NUMA1: variants seen among roughly 807,000 people sequenced by gnomAD.
NUMA1 encodes the protein nuclear mitotic apparatus protein 1.
A neutral mutation model predicts 237.1 loss-of-function variants in NUMA1; 62 were observed. The observed-to-expected ratio is 0.26, with a 90% CI of 0.21 to 0.32. The LOEUF (loss-of-function observed/expected upper bound fraction) is 0.32. Ranked by LOEUF, NUMA1 falls within the 10% of genes least tolerant of loss-of-function variation. The probability of loss-of-function intolerance (pLI) is 1.00; values close to 1 mark genes in which losing one functional copy is unlikely to be tolerated. For missense variants in NUMA1, 2,533 were observed against 2,666.5 expected, an observed-to-expected ratio of 0.95 and a Z score of 1.10; for synonymous variants, 1,028 against 1,066.1, an observed-to-expected ratio of 0.96 and a Z score of 0.70.
chr11:72,015,280 T>C lies in NUMA1; in HGVS notation c.2223A>G (p.Ala741=), dbSNP rs1956445185. The C allele has an allele frequency of 6.2e-7, 1 of 1,613,586 alleles. No individual in the cohort carries two copies. The highest frequency in any genetic ancestry group is 8.5e-7 in the Non-Finnish European group (1 of 1,180,046). Residue 741 remains alanine, a synonymous_variant, in exon 15 of 27, where the codon GCA becomes GCG. Coordinates refer to ENST00000393695, the MANE Select transcript of NUMA1 (RefSeq NM_006185.4). This position sits in a 1 kb window ranked among gnomAD's most constrained non-coding sequence, Gnocchi z 4.0. ...GCTGCTCCACCAGGCTTCGGGTCTCTGCCTTCAGCTCAGAGATACAACGCT... is the reference window on the plus strand; with the variant it reads ...GCTGCTCCACCAGGCTTCGGGTCTCCGCCTTCAGCTCAGAGATACAACGCT... ...EQQRCISELK[A]ETRSLVEQHK...
chr11:72,004,383 G>A, intron 24 of NUMA1, 42 bp from the exon 25 acceptor site: 2 of 1,554,034 alleles, frequency 1.3e-6, no homozygotes, highest in Non-Finnish European at 1.8e-6. Flanking sequence ...AGCAAGAGGA[G>A]TCACATCTGA....
At chr11:72,028,887 T>C (rs1421511453) in intron 4 of NUMA1, among the ~76,000 whole-genome samples, 4 of 152,228 alleles carry the variant, frequency 2.6e-5, no homozygotes, top group Non-Finnish European at 5.9e-5. Context: ...AGAAGCCTTC[T>C]GGTGAGACAA....
intron 2 of NUMA1, chr11:72,040,496 ACACACACACACACACT>A (rs1941549990): frequency 9.1e-6 from 1 of 110,056 alleles, no homozygotes; most frequent in Non-Finnish European, 1.8e-5. Flanking sequence ...ACACACACAC[ACACACACACACACACT>A]GACCTGGGCC....
At chr11:72,073,347 G>C (rs956424044) in intron 1 of NUMA1, among the ~76,000 whole-genome samples, 1 of 151,314 alleles carries the variant, frequency 6.6e-6, no homozygotes. Flanking sequence ...AGGAGGTAGA[G>C]GAGAGGCCAT....
Position 72,004,278 on chromosome 11 carries a change from T to C in NUMA1, c.6070A>G (p.Lys2024Glu). 1 of 1,613,504 alleles carries C rather than the reference T, an allele frequency of 6.2e-7. No individual in the cohort carries two copies. ...MTPRDRHEGR[K>E]QSTTEAQKKA... Reference sequence around the variant, plus strand: ...TTCTGGGCCTCAGTAGTGCTCTGTTTGCGCCCTTCATGTCGGTCTCGGGGA... The same window carrying C: ...TTCTGGGCCTCAGTAGTGCTCTGTTCGCGCCCTTCATGTCGGTCTCGGGGA... The change falls in exon 25 of 27, where the codon AAA becomes GAA. Residue 2024 changes from lysine to glutamate, a missense_variant. This residue lies in a region of NUMA1 where 795 missense variants were observed against 750.8 expected (regional missense o/e 1.06). Coordinates refer to ENST00000393695, the MANE Select transcript of NUMA1 (RefSeq NM_006185.4).
chr11:72,005,955 A>T, intron 22 of NUMA1, 80 bp downstream of exon 22: 1 of 1,235,800 alleles, frequency 8.1e-7, no homozygotes, highest in South Asian at 1.4e-5. Context: ...GATTTTTAAA[A>T]AGCTTTCCTC....
intron 5 of NUMA1, 184 bp downstream of exon 5, chr11:72,024,090 A>G (rs1939250748): frequency 1.7e-6 from 1 of 583,376 alleles, no homozygotes; most frequent in Admixed American, 3.0e-5. Context: ...CTCTTCTTAC[A>G]CCAACTGATG....
At chr11:72,022,867 T>G (rs147938710) in intron 6 of NUMA1, among the ~76,000 whole-genome samples, 198 bp downstream of exon 6, 1 of 152,122 alleles carries the variant, frequency 6.6e-6, no homozygotes, top group African/African-American at 2.4e-5. Flanking sequence ...CATAAGATCA[T>G]GGGCTCCTAG....
At chr11:72,008,270 C>G in intron 20 of NUMA1, 1 of 370,532 alleles carries the variant, frequency 2.7e-6, no homozygotes, top group South Asian at 2.2e-5. Context: ...GTTTCAAATT[C>G]TTCCAAGGTT....
intron 6 of NUMA1, among the ~76,000 whole-genome samples, 191 bp from the exon 7 acceptor site, chr11:72,022,610 T>C (rs892841842): frequency 1.3e-5 from 2 of 150,130 alleles, no homozygotes; most frequent in Non-Finnish European, 3.0e-5. Context: ...TTAAGGATAG[T>C]GTACACTGTA....
Position 72,013,829 on chromosome 11 carries a change from C to G in NUMA1, c.3674G>C (p.Ser1225Thr), listed in dbSNP as rs770056860. Reference protein sequence around the residue: ...RGRQEAERKNSLISSLEEEVS... With the variant: ...RGRQEAERKNTLISSLEEEVS... ...CTCCTCCTCCAAGCTGCTGATGAGGCTATTTTTCCTCTCAGCCTCTTGCCG... is the reference window on the plus strand; with the variant it reads ...CTCCTCCTCCAAGCTGCTGATGAGGGTATTTTTCCTCTCAGCCTCTTGCCG... Residue 1225 changes from serine (S) to threonine (T), a missense_variant, in exon 15 of 27, where the codon AGC (serine) becomes ACC (threonine). Ser to Thr is a moderately conservative substitution (Grantham distance 58, BLOSUM62 1). Coordinates refer to ENST00000393695, the MANE Select transcript of NUMA1 (RefSeq NM_006185.4). The surrounding 1 kb of genome is among the most constrained non-coding windows in gnomAD (Gnocchi z 6.8). The G allele has an allele frequency of 6.2e-7, 1 of 1,612,450 alleles. No individual in the cohort carries two copies. Among genetic ancestry groups the G allele is most frequent in the Admixed American group, 1.7e-5 (1 of 60,034 alleles).
chr11:72,019,326 C>A (rs1033371147), intron 9 of NUMA1, among the ~76,000 whole-genome samples, 168 bp downstream of exon 9: 1 of 152,184 alleles, frequency 6.6e-6, no homozygotes, highest in East Asian at 1.9e-4. Flanking sequence ...CATGACAAAT[C>A]CCAACCACTT....
intron 2 of NUMA1, chr11:72,042,190 A>C (rs765363442): frequency 6.6e-6 from 1 of 152,304 alleles, no homozygotes; most frequent in Non-Finnish European, 1.5e-5. Context: ...CCCCCACTGA[A>C]TAGCGAACTT....
At chr11:72,056,278 T>G (rs1053261900) in intron 2 of NUMA1, among the ~76,000 whole-genome samples, 8 of 150,932 alleles carry the variant, frequency 5.3e-5, no homozygotes, top group African/African-American at 1.9e-4. Flanking sequence ...GAGCTACGAT[T>G]GTGCCACTGT....
chr11:72,023,976 A>C, intron 5 of NUMA1: 1 of 327,140 alleles, frequency 3.1e-6, no homozygotes, highest in African/African-American at 2.1e-5. Flanking sequence ...AGTTCGGGGA[A>C]ACAGAAACTT....
chr11:72,035,860 C>A (rs1465543908), intron 3 of NUMA1, 42 bp downstream of exon 3: 3 of 1,596,920 alleles, frequency 1.9e-6, no homozygotes, highest in Non-Finnish European at 2.6e-6. Context: ...TCTCAAGCTT[C>A]CTGGAGAAGT....
At chr11:72,028,818 G>A (rs141746767) in intron 4 of NUMA1, among the ~76,000 whole-genome samples, 1 of 152,202 alleles carries the variant, frequency 6.6e-6, no homozygotes, top group Admixed American at 6.5e-5. Flanking sequence ...TCTTCCCTCA[G>A]AAGGCTGCAA....
In NUMA1 at chr11:72,013,420, C is replaced by T. The variant is rs201233049; in HGVS notation, c.4083G>A (p.Leu1361=). Reference sequence around the variant, plus strand: ...GCTGCTGGCAGAGGTGCTTAGCTGGCAGCAGCTCACTCACCAGGGCCTGTG... The same window carrying T: ...GCTGCTGGCAGAGGTGCTTAGCTGGTAGCAGCTCACTCACCAGGGCCTGTG... ...TSTQALVSEL[L]PAKHLCQQLQ... The change falls in exon 15 of 27, where the codon CTG becomes CTA. Residue 1361 remains leucine (L), a synonymous_variant. Coordinates refer to ENST00000393695, the MANE Select transcript of NUMA1 (RefSeq NM_006185.4). The surrounding 1 kb of genome is among the most constrained non-coding windows in gnomAD (Gnocchi z 6.8). The T allele has an allele frequency of 4.9e-5, 79 of 1,613,038 alleles. No individual in the cohort carries two copies. In the Middle Eastern group the frequency reaches 1.2e-3, roughly 24 times the overall value.
At chr11:72,058,385 C>T (rs1413397801) in intron 2 of NUMA1, among the ~76,000 whole-genome samples, 1 of 152,146 alleles carries the variant, frequency 6.6e-6, no homozygotes, top group Admixed American at 6.6e-5. Flanking sequence ...TCTCATCTAA[C>T]AATTTATCAA....
Sources: allele counts gnomAD v4.1 joint callset (sites outside exome capture counted in the v4.1 genomes callset), GRCh38; gene constraint gnomAD v4.1.1; regional missense constraint gnomAD v4.1.1; non-coding constraint Gnocchi (gnomAD v3.1); transcripts MANE v1.5; gene names NCBI Gene and HGNC (gene_info 2026-07-23, HGNC 2026-07-21).